LPP: variants seen among roughly 807,000 people sequenced by gnomAD.
LPP encodes the protein lipoma-preferred partner.
In LPP, 38 loss-of-function variants were observed where a neutral mutation model predicts 60.4. The observed-to-expected ratio is 0.63, with a 90% CI of 0.49 to 0.83. LPP has a LOEUF of 0.83. LPP is among the 40% of genes least tolerant of loss of function. The pLI is 0.00. For missense variants in LPP, 902 were observed against 783.6 expected (o/e 1.15, Z -1.80); for synonymous variants, 328 against 290.8 (o/e 1.13, Z -1.30).
chr3:188,781,779 C>T (rs1308105564), intron 9 of LPP, among the ~76,000 whole-genome samples: 1 of 151,272 alleles, frequency 6.6e-6, no homozygotes, highest in Non-Finnish European at 1.5e-5. Flanking sequence ...GTAGTCCCAG[C>T]TACTCAGGAG....
chr3:188,816,362 C>T (rs981545836), intron 9 of LPP, among the ~76,000 whole-genome samples: 39 of 151,938 alleles, frequency 2.6e-4, no homozygotes, highest in Non-Finnish European at 5.1e-4. Flanking sequence ...CCACCATGCC[C>T]GGCTAATTTT....
intron 7 of LPP, among the ~76,000 whole-genome samples, chr3:188,663,421 C>G (rs1319864484): frequency 6.6e-6 from 1 of 152,168 alleles, no homozygotes; most frequent in Non-Finnish European, 1.5e-5. Flanking sequence ...TTCAAAATCT[C>G]CTGGTACCTG....
intron 9 of LPP, among the ~76,000 whole-genome samples, chr3:188,863,363 T>C (rs1342041377): frequency 6.6e-6 from 1 of 152,198 alleles, no homozygotes; most frequent in Non-Finnish European, 1.5e-5. Flanking sequence ...CATAATGAAT[T>C]CCTTAGCTCC....
chr3:188,251,722 C>T (rs778389559), intron 2 of LPP, among the ~76,000 whole-genome samples: 36 of 151,950 alleles, frequency 2.4e-4, no homozygotes, highest in South Asian at 8.3e-4. Context: ...TATTGTCAAA[C>T]GCTCTTCAGG....
intron 7 of LPP, among the ~76,000 whole-genome samples, chr3:188,686,996 A>G (rs1386702301): frequency 6.6e-6 from 1 of 152,244 alleles, no homozygotes; most frequent in Admixed American, 6.5e-5. Flanking sequence ...TGTGTGCTCA[A>G]GTGAAATATT....
intron 6 of LPP, among the ~76,000 whole-genome samples, chr3:188,535,064 C>T (rs1317590657): frequency 9.9e-5 from 15 of 152,084 alleles, no homozygotes; most frequent in Non-Finnish European, 2.2e-4. Context: ...AAAGTGAGCA[C>T]GTGTTGCTGT....
At chr3:188,212,494 A>T (rs1277780988) in intron 1 of LPP, 3 of 152,280 alleles carry the variant, frequency 2.0e-5, no homozygotes, top group East Asian at 3.9e-4. Context: ...AGAAGAGAGA[A>T]GGGTGATTTT....
chr3:188,308,671 A>G (rs578037042), intron 2 of LPP, among the ~76,000 whole-genome samples: 3 of 152,322 alleles, frequency 2.0e-5, no homozygotes, highest in Admixed American at 1.3e-4. Context: ...AGTGCTGCAC[A>G]AAGTGTTGAG....
chr3:188,690,637 C>A (rs1277653904), intron 7 of LPP, among the ~76,000 whole-genome samples: 1 of 152,100 alleles, frequency 6.6e-6, no homozygotes, highest in Non-Finnish European at 1.5e-5. Context: ...TAAATACTTA[C>A]CAAAATCCCT....
chr3:188,668,645 G>A (rs1333721992), intron 7 of LPP, among the ~76,000 whole-genome samples: 1 of 152,148 alleles, frequency 6.6e-6, no homozygotes, highest in Non-Finnish European at 1.5e-5. Flanking sequence ...ATCAATCTGC[G>A]GATAAAGCCT....
At chr3:188,249,239 A>C (rs1379022952) in intron 2 of LPP, among the ~76,000 whole-genome samples, 1 of 152,138 alleles carries the variant, frequency 6.6e-6, no homozygotes, top group African/African-American at 2.4e-5. Context: ...ATCTACAAAA[A>C]ATTTAAACAT....
chr3:188,249,279 C>T (rs1728218673), intron 2 of LPP, among the ~76,000 whole-genome samples: 1 of 151,988 alleles, frequency 6.6e-6, no homozygotes, highest in Non-Finnish European at 1.5e-5. Flanking sequence ...TGCCTATAGT[C>T]TCAGCTACTC....
At chr3:188,461,434 T>C (rs1201056378) in intron 4 of LPP, among the ~76,000 whole-genome samples, 1 of 152,220 alleles carries the variant, frequency 6.6e-6, no homozygotes, top group Non-Finnish European at 1.5e-5. Flanking sequence ...CAAGTAACTT[T>C]TAACCTTTTA....
chr3:188,811,273 G>A (rs1298468455), intron 9 of LPP, among the ~76,000 whole-genome samples: 1 of 151,754 alleles, frequency 6.6e-6, no homozygotes, highest in African/African-American at 2.4e-5. Context: ...TATACAGTGG[G>A]CATTTAGGAA....
intron 2 of LPP, among the ~76,000 whole-genome samples, chr3:188,332,220 G>A (rs1044900011): frequency 2.6e-5 from 4 of 151,714 alleles, no homozygotes; most frequent in Non-Finnish European, 5.9e-5. Flanking sequence ...GTGAATTTTC[G>A]CAGCTGCTGC....
At chr3:188,707,208 C>T (rs2149680305) in intron 7 of LPP, among the ~76,000 whole-genome samples, 1 of 151,796 alleles carries the variant, frequency 6.6e-6, no homozygotes, top group South Asian at 2.1e-4. Context: ...GTTTTGGTTA[C>T]ATGGATGGGT....
intron 9 of LPP, among the ~76,000 whole-genome samples, chr3:188,832,338 A>G (rs898516231): frequency 6.6e-6 from 1 of 152,188 alleles, no homozygotes; most frequent in Non-Finnish European, 1.5e-5. Flanking sequence ...CAGACAGCCA[A>G]CAAAAAGCTA....
rs1201406515 is a variant in LPP, at chr3:188,883,532, C to A, written c.*9053C>A. On this transcript the variant is annotated 3_prime_UTR_variant, in exon 12 of 12. Transcript: ENST00000617246. The stretch of plus-strand genomic sequence containing the variant: ...GGATCATGAGGTCAAGAGATCGAGA[C>A]CATCCTGGTCAACATGGTGAAACCC... 8 of 181,776 alleles carry A rather than the reference C, an allele frequency of 4.4e-5. No individual in the cohort carries two copies. Among genetic ancestry groups the A allele is most frequent in the African/African-American group, 7.1e-5 (3 of 42,322 alleles). 11.3% of individuals were successfully genotyped at this position (181,776 alleles called of 1,614,324 possible). A position where few individuals can be genotyped will look rare whatever the true frequency, so the allele number is the denominator to read the frequency against.
At position 188,780,302 on chromosome 3, in the gene LPP, G is replaced by C. The variant is rs376920674; in HGVS notation, c.1410+20020G>C. Among the ~76,000 whole-genome samples, 4 of 152,154 alleles carry C rather than the reference G, an allele frequency of 2.6e-5. No homozygotes were observed. In the East Asian group the frequency reaches 5.8e-4, roughly 22 times the overall value. On this transcript the variant is annotated intron_variant, in intron 9 of 11. Coordinates refer to ENST00000617246, the MANE Select transcript of LPP (RefSeq NM_001375462.1). The stretch of plus-strand genomic sequence containing the variant: ...AGCTCTGAGAACAACAATTTTTTTG[G>C]AGCATTGCAATCTCTTGAGTATCCA...
Sources: gnomAD v4.1 joint callset for allele counts (sites outside exome capture counted in the v4.1 genomes callset) on GRCh38, gnomAD v4.1.1 for gene constraint, MANE v1.5 for transcripts, NCBI Gene and HGNC (gene_info 2026-07-23, HGNC 2026-07-21) for gene names.